SAP130: variants seen among roughly 807,000 people sequenced by gnomAD.
The protein encoded by SAP130 is Sin3A associated protein 130.
SAP130 carries 16 observed loss-of-function variants against 103.2 expected under a neutral mutation model. The ratio of observed to expected loss-of-function variants is 0.16; its 90% CI spans 0.10 to 0.24. SAP130 has a LOEUF of 0.24. SAP130 is among the 10% of genes least tolerant of loss of function. The pLI is 1.00. For synonymous variants in SAP130, 477 were observed against 497.0 expected (o/e 0.96, Z 0.53); for missense variants, 990 against 1,359.7 (o/e 0.73, Z 4.28).
At chr2:127,946,094 G>A (rs887630666) in intron 18 of SAP130, among the ~76,000 whole-genome samples, 4 of 152,148 alleles carry the variant, frequency 2.6e-5, no homozygotes, top group Non-Finnish European at 5.9e-5. Flanking sequence ...AGCTTGCCAC[G>A]TGTCAAGCCA....
At chr2:127,999,978 G>T in intron 9 of SAP130, 78 bp downstream of exon 9, 2 of 1,487,186 alleles carry the variant, frequency 1.3e-6, no homozygotes, top group Non-Finnish European at 1.9e-6. Flanking sequence ...TCTGACTGAA[G>T]GTGAGAAATG....
rs1039328869 is a variant in SAP130 at position 127,942,903 on chromosome 2, G to T, written c.2902-366C>A. Among the ~76,000 whole-genome samples the T allele has an allele frequency of 6.6e-6, 1 of 152,094 alleles. No homozygotes were observed. Among genetic ancestry groups the T allele is most frequent in the Admixed American group, 6.6e-5 (1 of 15,260 alleles). ...CTCGGGAGGCTGAGGCAGGAGAATC[G>T]CTTGAACCCGGGAGGCAGAGGTTGC... On this transcript the variant is annotated intron_variant, in intron 19 of 20. Transcript: ENST00000643581. This position sits in a 1 kb window ranked among gnomAD's most constrained non-coding sequence, Gnocchi z 4.8.
intron 15 of SAP130, among the ~76,000 whole-genome samples, chr2:127,975,811 A>AG (rs1681420389): frequency 6.6e-6 from 1 of 152,130 alleles, no homozygotes; most frequent in African/African-American, 2.4e-5. Context: ...AAAAAGATGA[A>AG]GGGGTCTCAG....
chr2:128,020,889 G>C (rs1471131297), intron 2 of SAP130, among the ~76,000 whole-genome samples: 2 of 152,020 alleles, frequency 1.3e-5, no homozygotes, highest in African/African-American at 4.8e-5. Context: ...CCACCTACTC[G>C]GGAGGCTGAG....
At chr2:127,971,687 T>C (rs1280104121) in intron 15 of SAP130, among the ~76,000 whole-genome samples, 1 of 152,248 alleles carries the variant, frequency 6.6e-6, no homozygotes, top group African/African-American at 2.4e-5. Flanking sequence ...TACTGAGTCC[T>C]GTCAAGTCCT....
At chr2:127,999,451 A>C (rs892960039) in intron 10 of SAP130, among the ~76,000 whole-genome samples, 1 of 152,020 alleles carries the variant, frequency 6.6e-6, no homozygotes, top group Non-Finnish European at 1.5e-5. Flanking sequence ...AAAATACAAA[A>C]AAATTAGCCA....
intron 7 of SAP130, among the ~76,000 whole-genome samples, chr2:128,005,868 G>C (rs1457146704): frequency 2.0e-5 from 3 of 151,978 alleles, no homozygotes; most frequent in African/African-American, 4.8e-5. Flanking sequence ...GACCTCAAGT[G>C]ATCTGCCTGC....
intron 15 of SAP130, among the ~76,000 whole-genome samples, chr2:127,963,043 T>C (rs532678832): frequency 6.6e-6 from 1 of 152,310 alleles, no homozygotes; most frequent in South Asian, 2.1e-4. Context: ...TTGTTCATTT[T>C]TCTACTGGAC....
chr2:127,984,401 C>T (rs899555628), intron 14 of SAP130, among the ~76,000 whole-genome samples: 6 of 152,184 alleles, frequency 3.9e-5, no homozygotes, highest in Non-Finnish European at 5.9e-5. Context: ...TGTCTTCCAC[C>T]GTTAGAGGTC....
At position 127,949,840 on chromosome 2, in the gene SAP130, T is replaced by C. The variant is rs1679370928; in HGVS notation, c.2797+29A>G. 6 of 1,609,588 alleles carry C rather than the reference T, an allele frequency of 3.7e-6. No homozygotes were observed. In the East Asian group the frequency reaches 1.3e-4, roughly 36 times the overall value. On this transcript the variant is annotated intron_variant, in intron 18 of 20. Coordinates refer to ENST00000643581, the MANE Select transcript of SAP130 (RefSeq NM_001330301.2). ...TTAAGTTTACACCAATTTCATGCAT[T>C]AATATCAAGTGTTTCTGGGGAAACT...
At position 127,942,535 on chromosome 2, in the gene SAP130, C is replaced by G. The variant is rs199810314; in HGVS notation, c.2904G>C (p.Thr968=). ...HLCAAQLLQL[T]NLEHDVYERL... is the part of the protein sequence containing the mutation. ...TTTCATAGACATCATGTTCTAGATT[C>G]GTCTGCAACACACAAAAGGGAGGGT... Residue 968 remains threonine (T), a splice_region_variant and synonymous_variant, in exon 20 of 21, where the codon ACG becomes ACC. Coordinates refer to ENST00000643581, the MANE Select transcript of SAP130 (RefSeq NM_001330301.2). The surrounding 1 kb of genome is among the most constrained non-coding windows in gnomAD (Gnocchi z 4.8). The G allele has an allele frequency of 6.3e-7, 1 of 1,575,500 alleles. No individual in the cohort carries two copies. The highest frequency in any genetic ancestry group is 1.3e-5 in the African/African-American group (1 of 74,082).
At chr2:128,008,646 C>T (rs376580529) in intron 7 of SAP130, among the ~76,000 whole-genome samples, 28 of 150,606 alleles carry the variant, frequency 1.9e-4, no homozygotes, top group African/African-American at 5.9e-4. Context: ...ACTGGGGTTA[C>T]GGGCACGAGC....
rs1230648184 is a variant in SAP130 at position 127,955,042 on chromosome 2, G to A, written c.2366C>T (p.Pro789Leu). The A allele has an allele frequency of 1.2e-6, 2 of 1,613,894 alleles. No individual in the cohort carries two copies. Among genetic ancestry groups the A allele is most frequent in the Non-Finnish European group, 1.7e-6 (2 of 1,179,882 alleles). Residue 789 changes from proline (P) to leucine (L), a missense_variant, in exon 16 of 21, where the codon CCT becomes CTT. Physicochemically the swap from Pro to Leu is moderately conservative, Grantham distance 98. Transcript: ENST00000643581. The surrounding 1 kb of genome is among the most constrained non-coding windows in gnomAD (Gnocchi z 4.9). ...TACTTCTTCTTTCACTTTAATTTCA[G>A]GAACGGGAGGGCCCAAGACGGAGGA... ...SLSSVLGPPV[P>L]EIKVKEEVEP... is the part of the protein sequence containing the mutation.
At chr2:128,003,833 A>G (rs1488399300) in intron 7 of SAP130, among the ~76,000 whole-genome samples, 1 of 152,106 alleles carries the variant, frequency 6.6e-6, no homozygotes, top group African/African-American at 2.4e-5. Context: ...TCCCCAATCC[A>G]AAAAGCAGAA....
At position 127,986,041 on chromosome 2, in the gene SAP130, A is replaced by G. The variant is rs1438443942; in HGVS notation, c.1958+744T>C. Reference sequence around the variant, plus strand: ...CTTCTGGCTTCCCCCATCTGCTGAGAGCTACTTCTACTCAGTAAAACCCTA... The same window carrying G: ...CTTCTGGCTTCCCCCATCTGCTGAGGGCTACTTCTACTCAGTAAAACCCTA... On this transcript the variant is annotated intron_variant, in intron 14 of 20. Coordinates refer to ENST00000643581, the MANE Select transcript of SAP130 (RefSeq NM_001330301.2). The surrounding 1 kb of genome is among the most constrained non-coding windows in gnomAD (Gnocchi z 4.7). Among the ~76,000 whole-genome samples the G allele has an allele frequency of 2.0e-5, 3 of 152,140 alleles. No individual in the cohort carries two copies. The highest frequency in any genetic ancestry group is 1.5e-5 in the Non-Finnish European group (1 of 68,028).
At chr2:127,960,242 C>G (rs963172031) in intron 15 of SAP130, among the ~76,000 whole-genome samples, 2 of 152,022 alleles carry the variant, frequency 1.3e-5, no homozygotes, top group Non-Finnish European at 2.9e-5. Context: ...GGGGGTAAAT[C>G]AAGAAAAAGG....
In SAP130 at chr2:127,996,627, AAAAT is replaced by A. The variant is rs1683194653; in HGVS notation, c.1214-140_1214-137del. ...GATTTTTAATCAAAATAAAAAATGA[AAAAT>A]AAGTACAAAGTTCAACAGAATTATT... On this transcript the variant is annotated intron_variant, in intron 10 of 20. Transcript: ENST00000643581. This position sits in a 1 kb window ranked among gnomAD's most constrained non-coding sequence, Gnocchi z 4.3. The A allele has an allele frequency of 5.3e-6, 4 of 761,214 alleles. No homozygotes were observed. Among genetic ancestry groups the A allele is most frequent in the Middle Eastern group, 4.1e-4 (1 of 2,468 alleles). The allele number at this position is 761,214 out of a possible 1,614,324, so 47.2% of individuals were successfully genotyped here. A position where few individuals can be genotyped will look rare whatever the true frequency, so the allele number is the denominator to read the frequency against.
At chr2:128,019,281 T>G (rs1684993010) in intron 2 of SAP130, among the ~76,000 whole-genome samples, 1 of 152,024 alleles carries the variant, frequency 6.6e-6, no homozygotes, top group Non-Finnish European at 1.5e-5. Context: ...AAAAAATTTT[T>G]TTTTTGAGAC....
intron 15 of SAP130, among the ~76,000 whole-genome samples, chr2:127,956,720 A>AG (rs1279246038): frequency 2.0e-5 from 3 of 151,082 alleles, no homozygotes; most frequent in Non-Finnish European, 4.4e-5. Flanking sequence ...AAAAAAAAAA[A>AG]AAAGAAAGTT....
Sources: allele counts gnomAD v4.1 joint callset (sites outside exome capture counted in the v4.1 genomes callset), GRCh38; gene constraint gnomAD v4.1.1; non-coding constraint Gnocchi (gnomAD v3.1); transcripts MANE v1.5; gene names NCBI Gene and HGNC (gene_info 2026-07-23, HGNC 2026-07-21).